Variants in UTRN observed in about 807,000 individuals in gnomAD.
The protein encoded by UTRN is utrophin.
Under a neutral mutation model 463.9 loss-of-function variants are expected in UTRN, and 283 were observed. That is an observed-to-expected ratio of 0.61 (90% CI 0.55 to 0.67). The LOEUF (loss-of-function observed/expected upper bound fraction) is 0.67. UTRN is among the 30% of genes least tolerant of loss of function. The pLI, the probability that UTRN is intolerant of heterozygous loss-of-function variation, is 0.00. For missense variants in UTRN, 3,922 were observed against 4,084.3 expected (o/e 0.96, Z 1.08); for synonymous variants, 1,442 against 1,431.5 (o/e 1.01, Z -0.17).
intron 69 of UTRN, among the ~76,000 whole-genome samples, chr6:144,833,512 C>T (rs1398802630): frequency 1.3e-5 from 2 of 152,178 alleles, no homozygotes; most frequent in Non-Finnish European, 2.9e-5. Flanking sequence ...TTTGGGTACT[C>T]TGTCTTTATA....
intron 51 of UTRN, among the ~76,000 whole-genome samples, chr6:144,645,277 T>C (rs1778175546): frequency 6.6e-6 from 1 of 152,206 alleles, no homozygotes; most frequent in African/African-American, 2.4e-5. Flanking sequence ...ATTATTTGTG[T>C]CTGCTTTAAT....
intron 2 of UTRN, among the ~76,000 whole-genome samples, chr6:144,308,385 C>T (rs192094093): frequency 9.2e-5 from 14 of 152,298 alleles, no homozygotes. Context: ...CAACCTCCGC[C>T]TCCTGGGCTC....
chr6:144,290,931 A>AT (rs552232592), intron 1 of UTRN, among the ~76,000 whole-genome samples: 20,225 of 140,088 alleles, frequency 0.14, 2,213 homozygotes, highest in African/African-American at 0.31. Flanking sequence ...TGCCTGGCTA[A>AT]TTTTTTTTTT....
At chr6:144,312,513 T>C (rs1775007280) in intron 2 of UTRN, among the ~76,000 whole-genome samples, 1 of 152,232 alleles carries the variant, frequency 6.6e-6, no homozygotes, top group Admixed American at 6.5e-5. Context: ...AATGTGGGTT[T>C]ATTTCTTTCC....
intron 25 of UTRN, among the ~76,000 whole-genome samples, chr6:144,476,419 A>G (rs1791205823): frequency 6.6e-6 from 1 of 152,078 alleles, no homozygotes; most frequent in Admixed American, 6.5e-5. Flanking sequence ...GTTTGAAAAT[A>G]AAGAAGAGAC....
At chr6:144,645,199 T>C (rs1202333153) in intron 51 of UTRN, among the ~76,000 whole-genome samples, 2 of 152,198 alleles carry the variant, frequency 1.3e-5, no homozygotes, top group East Asian at 1.9e-4. Context: ...CCTGGAGGTA[T>C]ATCCATGCCA....
intron 58 of UTRN, among the ~76,000 whole-genome samples, chr6:144,764,800 TAAAAG>T (rs1793093032): frequency 6.6e-6 from 1 of 152,018 alleles, no homozygotes; most frequent in South Asian, 2.1e-4. Context: ...TAAAAATACA[TAAAAG>T]AAAGAGATAA....
intron 2 of UTRN, among the ~76,000 whole-genome samples, chr6:144,295,035 A>G (rs1264946401): frequency 1.3e-5 from 2 of 152,236 alleles, no homozygotes; most frequent in Non-Finnish European, 2.9e-5. Flanking sequence ...TTAAAAGCAC[A>G]TATGCCAAGT....
At chr6:144,378,802 G>A (rs1326191117) in intron 2 of UTRN, among the ~76,000 whole-genome samples, 1 of 152,228 alleles carries the variant, frequency 6.6e-6, no homozygotes, top group African/African-American at 2.4e-5. Context: ...AGTGTCAGAA[G>A]GTTATTGGCT....
chr6:144,849,872 T>C (rs1562984911), intron 74 of UTRN, among the ~76,000 whole-genome samples: 1 of 152,210 alleles, frequency 6.6e-6, no homozygotes. Context: ...TTATCAATAT[T>C]AATATGTAAC....
chr6:144,827,770 GA>G lies in UTRN; in HGVS notation c.9599+97del, dbSNP rs1325998266. ...ATATCATTAATATACCTTGATTTAA[GA>G]AATGCAGTTTTGCAGGAGTTATGAT... On this transcript the variant is annotated intron_variant, in intron 68 of 74. Coordinates refer to ENST00000367545, the MANE Select transcript of UTRN (RefSeq NM_007124.3). 15 of 1,408,998 alleles carry G rather than the reference GA, an allele frequency of 1.1e-5. No homozygotes were observed. In the East Asian group the frequency reaches 3.4e-4, roughly 32 times the overall value. 87.3% of individuals were successfully genotyped at this position (1,408,998 alleles called of 1,614,324 possible). A position where few individuals can be genotyped will look rare whatever the true frequency, so the allele number is the denominator to read the frequency against.
intron 23 of UTRN, among the ~76,000 whole-genome samples, chr6:144,469,462 C>T (rs1236757841): frequency 6.6e-6 from 1 of 152,160 alleles, no homozygotes; most frequent in African/African-American, 2.4e-5. Flanking sequence ...GTTATTAAGG[C>T]TCAAAGAAAA....
intron 50 of UTRN, among the ~76,000 whole-genome samples, chr6:144,561,484 C>T (rs559860164): frequency 6.6e-6 from 1 of 151,898 alleles, no homozygotes; most frequent in South Asian, 2.1e-4. Flanking sequence ...GACAGTATAA[C>T]TGTGTGCTAT....
intron 51 of UTRN, among the ~76,000 whole-genome samples, chr6:144,589,761 A>T (rs1263578345): frequency 6.6e-6 from 1 of 152,170 alleles, no homozygotes; most frequent in Non-Finnish European, 1.5e-5. Context: ...ATTCTGGAGA[A>T]TGAGGAGATG....
chr6:144,711,819 T>C (rs769356776), intron 53 of UTRN, among the ~76,000 whole-genome samples: 11 of 152,334 alleles, frequency 7.2e-5, no homozygotes, highest in Middle Eastern at 3.4e-3. Flanking sequence ...CCCAGTTTAT[T>C]TCCTATATTC....
Position 144,485,306 on chromosome 6 carries a change from G to A in UTRN, c.3688-79G>A, listed in dbSNP as rs1275955987. 2.0e-5 allele frequency: 31 copies of A among 1,551,154 alleles called. 1 individual carries two copies. The highest frequency in any genetic ancestry group is 6.1e-5 in the South Asian group (5 of 82,592). ...CTCACATCCAAATGAAATTATTAGC[G>A]ATTAAAGAGAATGTGTAGTACTAGA... On this transcript the variant is annotated intron_variant, in intron 27 of 74. Transcript: ENST00000367545.
chr6:144,655,240 A>C (rs1779208667), intron 51 of UTRN, among the ~76,000 whole-genome samples: 1 of 152,206 alleles, frequency 6.6e-6, no homozygotes, highest in South Asian at 2.1e-4. Context: ...ATATTACCTT[A>C]AATAGCTACC....
chr6:144,664,471 C>CA lies in UTRN; in HGVS notation c.7480-13935_7480-13934insA, dbSNP rs1554330099. 3.4e-3 allele frequency among the ~76,000 whole-genome samples: 482 copies of CA among 141,248 alleles called. 3 individuals carry two copies. The highest frequency in any genetic ancestry group is 0.012 in the African/African-American group (451 of 38,448). 92.7% of individuals were successfully genotyped at this position (141,248 alleles called of 152,430 possible). A position where few individuals can be genotyped will look rare whatever the true frequency, so the allele number is the denominator to read the frequency against. Reference sequence around the variant, plus strand: ...GACTGTTTTCTACTCTGTTGTCTTACTTTTTTTTTTTTTTTGGAGACATGG... The same window carrying CA: ...GACTGTTTTCTACTCTGTTGTCTTACATTTTTTTTTTTTTTTGGAGACATGG... On this transcript the variant is annotated intron_variant, in intron 51 of 74. Coordinates refer to ENST00000367545, the MANE Select transcript of UTRN (RefSeq NM_007124.3).
At chr6:144,753,508 A>G (rs1253193866) in intron 56 of UTRN, among the ~76,000 whole-genome samples, 1 of 151,986 alleles carries the variant, frequency 6.6e-6, no homozygotes, top group Non-Finnish European at 1.5e-5. Context: ...AGTCTTAGCT[A>G]CTTGAGAGAC....
Sources: allele counts gnomAD v4.1 joint callset (sites outside exome capture counted in the v4.1 genomes callset), GRCh38; gene constraint gnomAD v4.1.1; transcripts MANE v1.5; gene names NCBI Gene and HGNC (gene_info 2026-07-23, HGNC 2026-07-21).